TEKT5: variants seen among roughly 807,000 people sequenced by gnomAD.
TEKT5 encodes the protein tektin 5, also known as tektin-5.
Under a neutral mutation model 48.7 loss-of-function variants are expected in TEKT5, and 52 were observed. That is an observed-to-expected ratio of 1.07 (90% CI 0.86 to 1.35). TEKT5 has a LOEUF of 1.35. Ranked by LOEUF, TEKT5 falls within the 40% of genes most tolerant of loss-of-function variation. The pLI is 0.00. For synonymous variants in TEKT5, 318 were observed against 267.6 expected (o/e 1.19, Z -1.84); for missense variants, 831 against 641.6 (o/e 1.30, Z -3.19).
At chr16:10,680,965 T>C (rs1445288236) in intron 4 of TEKT5, among the ~76,000 whole-genome samples, 3 of 149,002 alleles carry the variant, frequency 2.0e-5, no homozygotes, top group Non-Finnish European at 4.4e-5. Context: ...CATATGTAAC[T>C]AACCTGCACA....
chr16:10,632,803 C>T (rs1184707012), intron 6 of TEKT5, among the ~76,000 whole-genome samples: 1 of 151,434 alleles, frequency 6.6e-6, no homozygotes, highest in African/African-American at 2.4e-5. Context: ...CAGCCTGAAT[C>T]CTATCATCTG....
In TEKT5 at chr16:10,650,883, T is replaced by TAA. The variant is rs546133425; in HGVS notation, c.1087-14967_1087-14966dup. 3.4e-3 allele frequency among the ~76,000 whole-genome samples: 448 copies of TAA among 130,710 alleles called. 1 individual carries two copies. The highest frequency in any genetic ancestry group is 9.2e-3 in the African/African-American group (328 of 35,712). 85.8% of individuals were successfully genotyped at this position (130,710 alleles called of 152,430 possible). Reference sequence around the variant, plus strand: ...CTGGGTGACAGAGTAAGACTCCATCTAAAAAAAAAAAAAAAGCCACACCCA... The same window carrying TAA: ...CTGGGTGACAGAGTAAGACTCCATCTAAAAAAAAAAAAAAAAAGCCACACCCA... On this transcript the variant is annotated intron_variant, in intron 5 of 6. Transcript: ENST00000283025.
At chr16:10,631,359 G>GGGGA (rs1362994951) in intron 6 of TEKT5, among the ~76,000 whole-genome samples, 2 of 122,442 alleles carry the variant, frequency 1.6e-5, no homozygotes, top group African/African-American at 7.6e-5. Flanking sequence ...GGGTGGGGGC[G>GGGGA]GGGGAGGGTT....
intron 6 of TEKT5, among the ~76,000 whole-genome samples, chr16:10,635,507 T>C (rs1312698691): frequency 1.3e-5 from 2 of 152,018 alleles, no homozygotes; most frequent in African/African-American, 2.4e-5. Context: ...AAACCACCCC[T>C]AGTTTAGGCA....
intron 5 of TEKT5, among the ~76,000 whole-genome samples, chr16:10,675,351 G>A (rs560244123): frequency 3.3e-5 from 5 of 152,280 alleles, no homozygotes; most frequent in East Asian, 3.9e-4. Context: ...GCATTGAGCA[G>A]GGACTATAAA....
intron 6 of TEKT5, among the ~76,000 whole-genome samples, chr16:10,629,555 A>G (rs1897806444): frequency 6.6e-6 from 1 of 151,932 alleles, no homozygotes; most frequent in Non-Finnish European, 1.5e-5. Context: ...CTGGCCCTAT[A>G]ATTTTTTAAT....
intron 1 of TEKT5, chr16:10,690,246 G>C (rs552273831): frequency 5.5e-6 from 3 of 548,926 alleles, no homozygotes; most frequent in South Asian, 5.4e-5. Flanking sequence ...GAGATGCAAG[G>C]CCCATGTAGA....
At chr16:10,635,673 A>G in intron 6 of TEKT5, 91 bp downstream of exon 6, 2 of 1,527,616 alleles carry the variant, frequency 1.3e-6, no homozygotes, top group Non-Finnish European at 1.8e-6. Flanking sequence ...CATTTTTCAG[A>G]CCCAGTGCAC....
At chr16:10,658,596 T>A (rs2719660) in intron 5 of TEKT5, among the ~76,000 whole-genome samples, 1 of 151,896 alleles carries the variant, frequency 6.6e-6, no homozygotes, top group Non-Finnish European at 1.5e-5. Context: ...GGAGGGGGTG[T>A]AGACTGAGAG....
Position 10,635,812 on chromosome 16 carries a change from C to T in TEKT5, c.1193G>A (p.Arg398Gln), listed in dbSNP as rs754117595. The part of the protein sequence containing the change: ...LKVAQTRLEC[R>Q]TRRPNMELCR... ...CAGCTCCATGTTGGGGCGCCGGGTCCGGCACTCCAGCCTTGTCTGGGCCAC... is the reference window on the plus strand; with the variant it reads ...CAGCTCCATGTTGGGGCGCCGGGTCTGGCACTCCAGCCTTGTCTGGGCCAC... Residue 398 changes from arginine (R) to glutamine (Q), a missense_variant, in exon 6 of 7, where the codon CGG (arginine) becomes CAG (glutamine). Coordinates refer to ENST00000283025, the MANE Select transcript of TEKT5 (RefSeq NM_144674.2). The T allele has an allele frequency of 1.1e-5, 17 of 1,614,018 alleles. No individual in the cohort carries two copies. The highest frequency in any genetic ancestry group is 6.6e-5 in the South Asian group (6 of 91,086).
intron 1 of TEKT5, among the ~76,000 whole-genome samples, chr16:10,692,257 C>A (rs1466649894): frequency 1.3e-5 from 2 of 152,112 alleles, no homozygotes; most frequent in African/African-American, 4.8e-5. Flanking sequence ...TGCTGTAGGG[C>A]TCTGAAAAGC....
chr16:10,642,188 G>T (rs973172099), intron 5 of TEKT5, among the ~76,000 whole-genome samples: 1 of 152,156 alleles, frequency 6.6e-6, no homozygotes, highest in East Asian at 1.9e-4. Context: ...GACCCTAGAG[G>T]CACTAGCCCT....
intron 5 of TEKT5, among the ~76,000 whole-genome samples, chr16:10,649,441 T>A (rs1334517981): frequency 6.6e-6 from 1 of 151,876 alleles, no homozygotes; most frequent in Non-Finnish European, 1.5e-5. Flanking sequence ...TTTTTTTAAT[T>A]TTCTTTTTCT....
chr16:10,676,569 C>T (rs1220400549), intron 4 of TEKT5, among the ~76,000 whole-genome samples: 1 of 152,142 alleles, frequency 6.6e-6, no homozygotes, highest in Non-Finnish European at 1.5e-5. Flanking sequence ...CCGCAGAGAG[C>T]TCTTTTCCCT....
At chr16:10,656,981 C>T (rs866336138) in intron 5 of TEKT5, among the ~76,000 whole-genome samples, 16 of 152,128 alleles carry the variant, frequency 1.1e-4, no homozygotes, top group African/African-American at 3.9e-4. Flanking sequence ...TCAAGTGATC[C>T]TCCCACCACA....
chr16:10,689,913 G>T lies in TEKT5; in HGVS notation c.648+29C>A, dbSNP rs145282033. 3 of 1,612,062 alleles carry T rather than the reference G, an allele frequency of 1.9e-6. No individual in the cohort carries two copies. In the Admixed American group the frequency reaches 5.0e-5, roughly 27 times the overall value. ...TGCTGGCCTTCCCGCCTCCTTCAGG[G>T]GGCTGGGCAGAACCAGGAGATGCCT... On this transcript the variant is annotated intron_variant, in intron 2 of 6. Transcript: ENST00000283025.
At chr16:10,650,094 C>T (rs1052233077) in intron 5 of TEKT5, among the ~76,000 whole-genome samples, 20 of 148,780 alleles carry the variant, frequency 1.3e-4, no homozygotes, top group African/African-American at 4.0e-4. Context: ...TTTTTTGAGA[C>T]GAAGTCTTGC....
intron 4 of TEKT5, 148 bp downstream of exon 4, chr16:10,681,845 C>G (rs1467599976): frequency 1.8e-6 from 2 of 1,097,414 alleles, no homozygotes; most frequent in Non-Finnish European, 2.6e-6. Context: ...GACTTGGATT[C>G]TGCCGCCTGC....
chr16:10,673,090 C>A (rs115333301), intron 5 of TEKT5, among the ~76,000 whole-genome samples: 1 of 152,270 alleles, frequency 6.6e-6, no homozygotes, highest in African/African-American at 2.4e-5. Flanking sequence ...TGCAGTCTGG[C>A]TCAGGGTCAG....
Sources: allele counts gnomAD v4.1 joint callset (sites outside exome capture counted in the v4.1 genomes callset), GRCh38; gene constraint gnomAD v4.1.1; transcripts MANE v1.5; gene names NCBI Gene and HGNC (gene_info 2026-07-23, HGNC 2026-07-21).